Variants in CSTF3 observed in about 807,000 individuals in gnomAD.
The protein encoded by CSTF3 is cleavage stimulation factor subunit 3, also known as CF-1 77 kDa subunit.
Under a neutral mutation model 105.8 loss-of-function variants are expected in CSTF3, and 29 were observed. The ratio of observed to expected loss-of-function variants is 0.27; its 90% CI spans 0.20 to 0.37. The LOEUF (loss-of-function observed/expected upper bound fraction) is 0.37. Among genes scored for constraint, CSTF3 ranks in the 10% least tolerant of loss-of-function variants. CSTF3 has a pLI of 1.00. For synonymous variants in CSTF3, 252 were observed against 281.9 expected (o/e 0.89, Z 1.06); for missense variants, 357 against 879.3 (o/e 0.41, Z 7.51).
At chr11:33,151,006 T>C (rs2133806503) in intron 1 of CSTF3, among the ~76,000 whole-genome samples, 1 of 152,298 alleles carries the variant, frequency 6.6e-6, no homozygotes, top group South Asian at 2.1e-4. Context: ...TTTATGAATA[T>C]ATTCAAGTTT....
chr11:33,109,442 A>G (rs1178293753), intron 3 of CSTF3, among the ~76,000 whole-genome samples: 1 of 152,092 alleles, frequency 6.6e-6, no homozygotes, highest in East Asian at 1.9e-4. Context: ...GGACTTTTTT[A>G]TCTTGATCTT....
intron 1 of CSTF3, among the ~76,000 whole-genome samples, chr11:33,158,083 G>A (rs1393340011): frequency 1.3e-5 from 2 of 152,154 alleles, no homozygotes; most frequent in African/African-American, 4.8e-5. Flanking sequence ...ATGGGGGTGA[G>A]AGAAGCAAAT....
At position 33,084,916 on chromosome 11, in the gene CSTF3, A is replaced by G. The variant is rs778108587; in HGVS notation, c.*171T>C. ...AGAGCATAGGTCTGTTCCGTATTCT[A>G]AAATTCACACAGGTTGGTTTGTTTT... is the stretch of plus-strand genomic sequence containing the variant. On this transcript the variant is annotated 3_prime_UTR_variant, in exon 21 of 21. Transcript: ENST00000323959. 10 of 729,198 alleles carry G rather than the reference A, an allele frequency of 1.4e-5. No individual in the cohort carries two copies. The highest frequency in any genetic ancestry group is 2.1e-5 in the Non-Finnish European group (9 of 437,072). The allele number at this position is 729,198 out of a possible 1,614,324, so 45.2% of individuals were successfully genotyped here.
intron 1 of CSTF3, among the ~76,000 whole-genome samples, chr11:33,157,058 AAC>A (rs1237847961): frequency 2.6e-5 from 4 of 152,136 alleles, no homozygotes; most frequent in Non-Finnish European, 5.9e-5. Flanking sequence ...CATTAAAAAA[AAC>A]AAACACCACA....
intron 3 of CSTF3, chr11:33,136,220 G>A (rs1565015607): frequency 6.6e-6 from 1 of 152,236 alleles, no homozygotes; most frequent in Non-Finnish European, 1.5e-5. Context: ...ATTCTGGTAT[G>A]TGGGGGAAAA....
Position 33,099,820 on chromosome 11 carries a change from G to T in CSTF3, c.827-103C>A. The T allele has an allele frequency of 1.6e-6, 1 of 641,138 alleles. No homozygotes were observed. The highest frequency in any genetic ancestry group is 2.5e-6 in the Non-Finnish European group (1 of 401,228). 39.7% of individuals were successfully genotyped at this position (641,138 alleles called of 1,614,324 possible). On this transcript the variant is annotated intron_variant, in intron 10 of 20. Coordinates refer to ENST00000323959, the MANE Select transcript of CSTF3 (RefSeq NM_001326.3). This position sits in a 1 kb window ranked among gnomAD's most constrained non-coding sequence, Gnocchi z 4.1. ...CAAATTAGGCTCCTCAAAAATTAAT[G>T]ATAATTAGAAATAAAAAGCTTTAGT...
rs1360886295 is a variant in CSTF3, at chr11:33,161,449, A to C, written c.-124T>G. The C allele has an allele frequency of 3.3e-6, 3 of 907,796 alleles. No individual in the cohort carries two copies. The highest frequency in any genetic ancestry group is 5.1e-5 in the East Asian group (2 of 38,912). 56.2% of individuals were successfully genotyped at this position (907,796 alleles called of 1,614,324 possible). On this transcript the variant is annotated 5_prime_UTR_variant, in exon 1 of 21. Coordinates refer to ENST00000323959, the MANE Select transcript of CSTF3 (RefSeq NM_001326.3). ...TGCCCAGCTGAGCCAGACCGCCAAC[A>C]CCAATCGCCACCGCCCACTCAAATA...
Position 33,102,188 on chromosome 11 carries a change from A to G in CSTF3, c.815T>C (p.Ile272Thr). Residue 272 changes from isoleucine to threonine, a missense_variant, in exon 10 of 21, where the codon ATA becomes ACA. Physicochemically the swap from Ile to Thr is moderately conservative, Grantham distance 89. Around this residue, in one of 4 missense-constraint regions of CSTF3, gnomAD observed 206 missense variants for 576.5 expected, o/e 0.36. Coordinates refer to ENST00000323959, the MANE Select transcript of CSTF3 (RefSeq NM_001326.3). ...NPLRTEDQTL[I>T]TKRVMFAYEQ... ...GTTAATCATGTTACCTCTTTTTGTT[A>G]TAAGGGTCTGATCCTCTGTACGAAG... The G allele has an allele frequency of 6.2e-7, 1 of 1,613,298 alleles. No homozygotes were observed. Among genetic ancestry groups the G allele is most frequent in the Non-Finnish European group, 8.5e-7 (1 of 1,179,660 alleles).
intron 3 of CSTF3, among the ~76,000 whole-genome samples, chr11:33,117,285 T>C (rs1448982764): frequency 1.3e-5 from 2 of 151,900 alleles, no homozygotes; most frequent in African/African-American, 4.8e-5. Flanking sequence ...TAATAATATG[T>C]ATGAAGTCAA....
At chr11:33,104,317 G>C (rs1855307705) in intron 8 of CSTF3, among the ~76,000 whole-genome samples, 1 of 152,108 alleles carries the variant, frequency 6.6e-6, no homozygotes, top group Non-Finnish European at 1.5e-5. Context: ...TAAAATACAG[G>C]AGTTTTACAG....
intron 3 of CSTF3, among the ~76,000 whole-genome samples, chr11:33,113,355 T>G (rs1159766000): frequency 2.0e-5 from 3 of 152,066 alleles, no homozygotes; most frequent in African/African-American, 7.2e-5. Flanking sequence ...AGGCTCTTAA[T>G]AGAATTAACT....
At chr11:33,103,271 C>A in intron 8 of CSTF3, 87 bp from the exon 9 acceptor site, 1 of 579,022 alleles carries the variant, frequency 1.7e-6, no homozygotes, top group Non-Finnish European at 2.9e-6. Flanking sequence ...TACTAAATAA[C>A]TTTAAATTTT....
intron 1 of CSTF3, among the ~76,000 whole-genome samples, chr11:33,153,915 A>G (rs1173537005): frequency 6.6e-6 from 1 of 152,072 alleles, no homozygotes; most frequent in Middle Eastern, 3.2e-3. Context: ...TGACCAACAG[A>G]AAAAGCAGAG....
chr11:33,099,262 C>CATGTATGTACACACATATAT lies in CSTF3; in HGVS notation c.937-132_937-113dup, dbSNP rs1448713140. ...TTATTTATGTGTCTAAGAAAGCATA[C>CATGTATGTACACACATATAT]ATGTATGTACACACATATATATGTA... On this transcript the variant is annotated intron_variant, in intron 11 of 20. Transcript: ENST00000323959. This position sits in a 1 kb window ranked among gnomAD's most constrained non-coding sequence, Gnocchi z 4.1. 2.4e-6 allele frequency: 3 copies of CATGTATGTACACACATATAT among 1,234,188 alleles called. No homozygotes were observed. The highest frequency in any genetic ancestry group is 3.4e-6 in the Non-Finnish European group (3 of 894,156). 76.5% of individuals were successfully genotyped at this position (1,234,188 alleles called of 1,614,324 possible).
At chr11:33,092,947 G>T (rs1855183973) in intron 15 of CSTF3, among the ~76,000 whole-genome samples, 1 of 152,166 alleles carries the variant, frequency 6.6e-6, no homozygotes, top group Non-Finnish European at 1.5e-5. Flanking sequence ...GTGGGAAAAT[G>T]ACACTTCTTG....
chr11:33,138,795 G>T (rs926008906), intron 3 of CSTF3, among the ~76,000 whole-genome samples: 1 of 151,840 alleles, frequency 6.6e-6, no homozygotes, highest in East Asian at 1.9e-4. Flanking sequence ...ATTTCAGGGA[G>T]TGGAGGCAAA....
At chr11:33,157,901 T>C (rs1473347880) in intron 1 of CSTF3, among the ~76,000 whole-genome samples, 5 of 152,202 alleles carry the variant, frequency 3.3e-5, no homozygotes, top group Non-Finnish European at 7.3e-5. Context: ...GAGTTTATTT[T>C]TCTCATCCAT....
Position 33,141,912 on chromosome 11 carries a change from A to G in CSTF3, c.102T>C (p.Ala34=). The change falls in exon 2 of 21, where the codon GCT becomes GCC. Residue 34 remains alanine (A), a synonymous_variant. Coordinates refer to ENST00000323959, the MANE Select transcript of CSTF3 (RefSeq NM_001326.3). ...GTGCCTCTCGAATGAGAATGCTCCA[A>G]GCATCAAGGTCATATGGATTCTCTT... ...KLEENPYDLD[A]WSILIREAQN... The G allele has an allele frequency of 6.2e-7, 1 of 1,604,108 alleles. No homozygotes were observed. Among genetic ancestry groups the G allele is most frequent in the Non-Finnish European group, 8.5e-7 (1 of 1,177,042 alleles).
rs780806972 is a variant in CSTF3, at chr11:33,097,116, C to T, written c.1129-138G>A. Reference sequence around the variant, plus strand: ...TTTAAATCCACAAACTAATTTTTTTCTGGTATTAGAGATGCATGCAAATTA... The same window carrying T: ...TTTAAATCCACAAACTAATTTTTTTTTGGTATTAGAGATGCATGCAAATTA... On this transcript the variant is annotated intron_variant, in intron 13 of 20. Transcript: ENST00000323959. The T allele has an allele frequency of 1.8e-4, 108 of 614,084 alleles. 1 individual carries two copies. The highest frequency in any genetic ancestry group is 5.4e-5 in the Non-Finnish European group (21 of 389,088). 38.0% of individuals were successfully genotyped at this position (614,084 alleles called of 1,614,324 possible). A position where few individuals can be genotyped will look rare whatever the true frequency, so the allele number is the denominator to read the frequency against.
Sources: allele counts gnomAD v4.1 joint callset (sites outside exome capture counted in the v4.1 genomes callset), GRCh38; gene constraint gnomAD v4.1.1; regional missense constraint gnomAD v4.1.1; non-coding constraint Gnocchi (gnomAD v3.1); transcripts MANE v1.5; gene names NCBI Gene and HGNC (gene_info 2026-07-23, HGNC 2026-07-21).